Variants in TOP2B observed in about 807,000 individuals in gnomAD.
The protein encoded by TOP2B is DNA topoisomerase 2-beta.
TOP2B carries 51 observed loss-of-function variants against 193.5 expected under a neutral mutation model. That is an observed-to-expected ratio of 0.26 (90% CI 0.21 to 0.33). The LOEUF is 0.33. Among genes scored for constraint, TOP2B ranks in the 10% least tolerant of loss-of-function variants. TOP2B has a pLI of 1.00. For synonymous variants in TOP2B, 634 were observed against 635.7 expected (o/e 1.00, Z 0.04); for missense variants, 1,378 against 1,909.3 (o/e 0.72, Z 5.19).
At position 25,618,761 on chromosome 3, in the gene TOP2B, T is replaced by C; in HGVS notation, c.3152A>G (p.Tyr1051Cys). ...CACAAGCCACTCCTTACGTAAACCG[T>C]AATAACTTAATCGTAAATCAAAGAA... ...KEFFDLRLSY[Y>C]GLRKEWLVGM... Residue 1051 changes from tyrosine to cysteine, a missense_variant, in exon 24 of 36, where the codon TAC (tyrosine) becomes TGC (cysteine). This residue lies in a region of TOP2B where 379 missense variants were observed against 615.1 expected (regional missense o/e 0.62). Coordinates refer to ENST00000264331, the MANE Select transcript of TOP2B (RefSeq NM_001330700.2). The C allele has an allele frequency of 6.2e-7, 1 of 1,613,380 alleles. No individual in the cohort carries two copies. Among genetic ancestry groups the C allele is most frequent in the Non-Finnish European group, 8.5e-7 (1 of 1,179,570 alleles).
chr3:25,629,166 TA>T, intron 13 of TOP2B, 21 bp from the exon 14 acceptor site: 1 of 1,477,642 alleles, frequency 6.8e-7, no homozygotes, highest in Non-Finnish European at 9.1e-7. Flanking sequence ...GTTAGTAAAG[TA>T]AAAAATGTTG....
chr3:25,661,591 C>A (rs1338551565), intron 1 of TOP2B, among the ~76,000 whole-genome samples: 1 of 152,128 alleles, frequency 6.6e-6, no homozygotes, highest in Non-Finnish European at 1.5e-5. Flanking sequence ...TTAAGAGAAG[C>A]CTTTGTAACT....
In TOP2B at chr3:25,607,160, G is replaced by T. The variant is rs1232630168; in HGVS notation, c.4298+11C>A. The T allele has an allele frequency of 1.2e-6, 2 of 1,612,538 alleles. No individual in the cohort carries two copies. The highest frequency in any genetic ancestry group is 1.7e-6 in the Non-Finnish European group (2 of 1,179,260). ...ATTAACTATACCACATCACTAAATA[G>T]CATTACTTACTCTGGAGTGGCTTTT... On this transcript the variant is annotated intron_variant, in intron 31 of 35. Coordinates refer to ENST00000264331, the MANE Select transcript of TOP2B (RefSeq NM_001330700.2).
intron 6 of TOP2B, 84 bp downstream of exon 6, chr3:25,637,131 C>A: frequency 9.6e-7 from 1 of 1,046,880 alleles, no homozygotes; most frequent in South Asian, 1.4e-5. Context: ...ACAGGCATCA[C>A]TGCAATTTAC....
chr3:25,656,226 A>G (rs1488281472), intron 1 of TOP2B, among the ~76,000 whole-genome samples: 2 of 152,200 alleles, frequency 1.3e-5, no homozygotes, highest in African/African-American at 4.8e-5. Flanking sequence ...GAAAAGCCTT[A>G]AGGGATACAC....
intron 1 of TOP2B, 88 bp from the exon 2 acceptor site, chr3:25,645,558 T>C (rs1703392244): frequency 9.3e-6 from 9 of 965,098 alleles, no homozygotes; most frequent in Admixed American, 6.6e-5. Context: ...TCTTTTTTAA[T>C]GGCAAAATTA....
intron 1 of TOP2B, among the ~76,000 whole-genome samples, chr3:25,661,391 A>G (rs1273620923): frequency 3.3e-5 from 5 of 152,214 alleles, no homozygotes. Flanking sequence ...ATTTTCCATT[A>G]AAAATTTTTT....
rs1451471552 is a variant in TOP2B at position 25,607,058 on chromosome 3, TGAA to T, written c.4298+110_4298+112del. The T allele has an allele frequency of 1.3e-5, 18 of 1,402,838 alleles. 1 individual carries two copies. In the Admixed American group the frequency reaches 4.5e-4, roughly 35 times the overall value. The allele number at this position is 1,402,838 out of a possible 1,614,324, so 86.9% of individuals were successfully genotyped here. On this transcript the variant is annotated intron_variant, in intron 31 of 35. Coordinates refer to ENST00000264331, the MANE Select transcript of TOP2B (RefSeq NM_001330700.2). ...AATATTAACAAGATTGATTCCTTCA[TGAA>T]GAAGAACTTGCCTAGAATGATAACA...
chr3:25,657,629 A>ACT (rs139555629), intron 1 of TOP2B, among the ~76,000 whole-genome samples: 6,036 of 152,150 alleles, frequency 0.04, 375 homozygotes, highest in African/African-American at 0.13. Context: ...ACAGAATTAT[A>ACT]CTCACTTTAG....
chr3:25,642,442 G>T, intron 3 of TOP2B, 57 bp from the exon 4 acceptor site: 2 of 1,093,734 alleles, frequency 1.8e-6, no homozygotes, highest in Non-Finnish European at 2.7e-6. Context: ...TAAATACATG[G>T]ACACAACTGT....
In TOP2B at chr3:25,607,341, T is replaced by C. The variant is rs751867841; in HGVS notation, c.4128A>G (p.Glu1376=). ...CATCATCAGCATCATCATCCTCTTC[T>C]TCTGAGAAATCAAATGTGTATTTAG... ...ERPKYTFDFS[E]EEDDDADDDD... The change falls in exon 31 of 36, where the codon GAA becomes GAG. Residue 1376 remains glutamate, a synonymous_variant. Coordinates refer to ENST00000264331, the MANE Select transcript of TOP2B (RefSeq NM_001330700.2). 3.9e-6 allele frequency: 6 copies of C among 1,551,658 alleles called. No individual in the cohort carries two copies. The highest frequency in any genetic ancestry group is 5.2e-6 in the Non-Finnish European group (6 of 1,146,918).
At chr3:25,624,633 T>C (rs745346590) in intron 19 of TOP2B, 49 bp downstream of exon 19, 2 of 1,602,782 alleles carry the variant, frequency 1.2e-6, no homozygotes, top group South Asian at 1.1e-5. Flanking sequence ...ATTATCATTC[T>C]TCAAGACAAT....
chr3:25,660,998 AT>A (rs11460770), intron 1 of TOP2B, among the ~76,000 whole-genome samples: 2,723 of 131,418 alleles, frequency 0.021, 61 homozygotes, highest in African/African-American at 0.066. Context: ...TCTTAGGTTG[AT>A]TTTTTTTTTT....
Position 25,638,314 on chromosome 3 carries a change from TAAAAAAAAAAAAAAAAAAAAAAA to T in TOP2B, c.396-27_396-5del, listed in dbSNP as rs56986587. ...AATGCTTATAATGTTAGATTCACTG[TAAAAAAAAAAAAAAAAAAAAAAA>T]AAAAAAAAAAAAAAAGCAGAATTTA... is the stretch of plus-strand genomic sequence containing the variant. On this transcript the variant is annotated splice_region_variant and splice_polypyrimidine_tract_variant and intron_variant, in intron 4 of 35. Transcript: ENST00000264331. 7.4e-3 allele frequency: 970 copies of T among 131,772 alleles called. 8 individuals are homozygous for T. The highest frequency in any genetic ancestry group is 6.7e-3 in the South Asian group (28 of 4,178). The allele number at this position is 131,772 out of a possible 1,614,324, so 8.2% of individuals were successfully genotyped here.
chr3:25,600,974 T>C, intron 34 of TOP2B, 126 bp downstream of exon 34: 1 of 933,318 alleles, frequency 1.1e-6, no homozygotes, highest in Non-Finnish European at 1.6e-6. Flanking sequence ...GACACACTGC[T>C]TACTGAGGAG....
At chr3:25,649,264 G>C (rs912160449) in intron 1 of TOP2B, among the ~76,000 whole-genome samples, 2 of 152,074 alleles carry the variant, frequency 1.3e-5, no homozygotes, top group African/African-American at 4.8e-5. Flanking sequence ...CTATCTATCA[G>C]AACAACATAT....
intron 1 of TOP2B, among the ~76,000 whole-genome samples, chr3:25,658,931 G>T (rs573484260): frequency 3.9e-4 from 59 of 152,246 alleles, no homozygotes; most frequent in African/African-American, 1.3e-3. Flanking sequence ...TTTTTCTGAG[G>T]GAGAATGAAT....
intron 15 of TOP2B, among the ~76,000 whole-genome samples, chr3:25,627,881 C>A (rs1702848227): frequency 6.6e-6 from 1 of 150,608 alleles, no homozygotes; most frequent in Admixed American, 6.6e-5. Context: ...ACCACCCTGG[C>A]CAACACAGCA....
intron 1 of TOP2B, among the ~76,000 whole-genome samples, chr3:25,649,405 C>T (rs887370988): frequency 6.6e-6 from 1 of 151,804 alleles, no homozygotes; most frequent in Non-Finnish European, 1.5e-5. Flanking sequence ...TCAAAGAACT[C>T]CAAGGATAAA....
Sources: allele counts gnomAD v4.1 joint callset (sites outside exome capture counted in the v4.1 genomes callset), GRCh38; gene constraint gnomAD v4.1.1; regional missense constraint gnomAD v4.1.1; transcripts MANE v1.5; gene names NCBI Gene and HGNC (gene_info 2026-07-23, HGNC 2026-07-21).